The following UBE2Q1 variants were observed in gnomAD, a reference collection of about 807,000 sequenced individuals.
UBE2Q1 encodes the protein ubiquitin-conjugating enzyme E2 Q1.
UBE2Q1 carries 6 observed loss-of-function variants against 60.1 expected under a neutral mutation model. That is an observed-to-expected ratio of 0.10 (90% CI 0.05 to 0.20). The LOEUF is 0.20. Ranked by LOEUF, UBE2Q1 falls within the 10% of genes least tolerant of loss-of-function variation. The pLI is 1.00. For missense variants in UBE2Q1, 262 were observed against 525.8 expected (o/e 0.50, Z 4.91); for synonymous variants, 226 against 208.3 (o/e 1.09, Z -0.73).
At chr1:154,551,259 C>T in intron 11 of UBE2Q1, 138 bp downstream of exon 11, 1 of 968,306 alleles carries the variant, frequency 1.0e-6, no homozygotes, top group Non-Finnish European at 1.6e-6. Context: ...TTGTGGGCAC[C>T]CTAGGCCCTC....
chr1:154,556,366 C>T (rs1189014090), intron 1 of UBE2Q1, among the ~76,000 whole-genome samples: 2 of 152,142 alleles, frequency 1.3e-5, no homozygotes, highest in African/African-American at 2.4e-5. Context: ...ACTCCAGAAT[C>T]GGCTGAGGAA....
At chr1:154,553,523 C>G (rs41302545) in intron 4 of UBE2Q1, 1 of 191,950 alleles carries the variant, frequency 5.2e-6, no homozygotes, top group Non-Finnish European at 1.1e-5. Context: ...TAATTCCTAG[C>G]AGAAATGACT....
At chr1:154,550,592 T>TG in intron 12 of UBE2Q1, 123 bp from the exon 13 acceptor site, 1 of 1,540,244 alleles carries the variant, frequency 6.5e-7, no homozygotes, top group African/African-American at 1.4e-5. Flanking sequence ...CTATGCTGTG[T>TG]GGGGAGAGGT....
In UBE2Q1 at chr1:154,549,062, T is replaced by C. The variant is rs1040180680; in HGVS notation, c.*1376A>G. ...ACTTGGGTCTTCACTTGGCCATCTTTGGCCTCTGTCATTTCACTGTTAATG... is the reference window on the plus strand; with the variant it reads ...ACTTGGGTCTTCACTTGGCCATCTTCGGCCTCTGTCATTTCACTGTTAATG... On this transcript the variant is annotated 3_prime_UTR_variant, in exon 13 of 13. Transcript: ENST00000292211. 1 of 152,312 alleles carries C rather than the reference T, an allele frequency of 6.6e-6. No homozygotes were observed. The highest frequency in any genetic ancestry group is 1.5e-5 in the Non-Finnish European group (1 of 68,044). 9.4% of individuals were successfully genotyped at this position (152,312 alleles called of 1,614,324 possible). A position where few individuals can be genotyped will look rare whatever the true frequency, so the allele number is the denominator to read the frequency against.
rs560359173 is a variant in UBE2Q1 at position 154,554,785 on chromosome 1, A to G, written c.538T>C (p.Cys180Arg). The change falls in exon 4 of 13, where the codon TGC becomes CGC. Residue 180 changes from cysteine to arginine, a missense_variant and splice_region_variant. Transcript: ENST00000292211. ...TCTGAAGACACGTCTTCCTGTGTGCACTGCAGCAAGGAAGGGAAAGATGGA... is the reference window on the plus strand; with the variant it reads ...TCTGAAGACACGTCTTCCTGTGTGCGCTGCAGCAAGGAAGGGAAAGATGGA... Reference protein sequence around the residue: ...MLDQPLPAEQCTQEDVSSEDE... With the variant: ...MLDQPLPAEQRTQEDVSSEDE... 2 of 1,613,228 alleles carry G rather than the reference A, an allele frequency of 1.2e-6. No homozygotes were observed. Among genetic ancestry groups the G allele is most frequent in the East Asian group, 2.2e-5 (1 of 44,844 alleles).
rs1695876662 is a variant in UBE2Q1, at chr1:154,555,933, G to A, written c.359C>T (p.Ser120Leu). The change falls in exon 2 of 13, where the codon TCG becomes TTG. Residue 120 changes from serine (S) to leucine (L), a missense_variant. Physicochemically the swap from Ser to Leu is moderately radical, Grantham distance 145 (BLOSUM62 -2). Coordinates refer to ENST00000292211, the MANE Select transcript of UBE2Q1 (RefSeq NM_017582.7). ...ESYPAVPPIW[S>L]VESDDPNLAA... ...CAAGTTAGGGTCATCAGACTCCACCGACCAGATGGGGGGCACAGCAGGGTA... is the reference window on the plus strand; with the variant it reads ...CAAGTTAGGGTCATCAGACTCCACCAACCAGATGGGGGGCACAGCAGGGTA... 6.2e-7 allele frequency: 1 copy of A among 1,613,984 alleles called. No individual in the cohort carries two copies. Among genetic ancestry groups the A allele is most frequent in the Non-Finnish European group, 8.5e-7 (1 of 1,180,010 alleles).
Position 154,555,449 on chromosome 1 carries a change from A to T in UBE2Q1, c.516T>A (p.Asp172Glu), listed in dbSNP as rs1231969743. The change falls in exon 3 of 13, where the codon GAT (aspartate) becomes GAA (glutamate). Residue 172 changes from aspartate to glutamate, a missense_variant. Around this residue, in one of 5 missense-constraint regions of UBE2Q1, gnomAD observed 111 missense variants for 266.8 expected, o/e 0.42. Transcript: ENST00000292211. ...LPQHPDVEML[D>E]QPLPAEQCTQ... ...TCACCTGCTCTGCTGGCAAGGGTTG[A>T]TCCAGCATCTCCACATCTGGATGCT... 1 of 1,614,072 alleles carries T rather than the reference A, an allele frequency of 6.2e-7. No homozygotes were observed. The highest frequency in any genetic ancestry group is 8.5e-7 in the Non-Finnish European group (1 of 1,180,016).
intron 4 of UBE2Q1, 122 bp from the exon 5 acceptor site, chr1:154,553,294 T>C (rs1218899824): frequency 7.7e-7 from 1 of 1,305,226 alleles, no homozygotes; most frequent in African/African-American, 1.5e-5. Context: ...AAGCAGTCCA[T>C]CTAGCAGTCT....
intron 1 of UBE2Q1, among the ~76,000 whole-genome samples, chr1:154,557,930 TGGA>T (rs1695920807): frequency 6.6e-6 from 1 of 151,862 alleles, no homozygotes; most frequent in African/African-American, 2.4e-5. Flanking sequence ...GGTAAAGTTG[TGGA>T]GGAGTAGCCA....
Position 154,558,090 on chromosome 1 carries a change from T to C in UBE2Q1, c.327+137A>G, listed in dbSNP as rs1244881767. On this transcript the variant is annotated intron_variant, in intron 1 of 12. Transcript: ENST00000292211. ...CATAACCTCAAGCAGCAGAAACAAATGTAACCTGGAGAGAAAGAACTGAGC... is the reference window on the plus strand; with the variant it reads ...CATAACCTCAAGCAGCAGAAACAAACGTAACCTGGAGAGAAAGAACTGAGC... 1.1e-5 allele frequency: 7 copies of C among 661,654 alleles called. No homozygotes were observed. In the East Asian group the frequency reaches 1.3e-4, roughly 12 times the overall value. The allele number at this position is 661,654 out of a possible 1,614,324, so 41.0% of individuals were successfully genotyped here.
At chr1:154,554,051 G>A (rs920754281) in intron 4 of UBE2Q1, among the ~76,000 whole-genome samples, 3 of 152,242 alleles carry the variant, frequency 2.0e-5, no homozygotes. Flanking sequence ...AATGTCTACT[G>A]AGTGTTTATT....
Position 154,549,810 on chromosome 1 carries a change from G to T in UBE2Q1, c.*628C>A, listed in dbSNP as rs1695761774. 6.6e-6 allele frequency: 1 copy of T among 152,542 alleles called. No individual in the cohort carries two copies. Among genetic ancestry groups the T allele is most frequent in the African/African-American group, 2.4e-5 (1 of 41,426 alleles). The allele number at this position is 152,542 out of a possible 1,614,324, so 9.4% of individuals were successfully genotyped here. A position where few individuals can be genotyped will look rare whatever the true frequency, so the allele number is the denominator to read the frequency against. On this transcript the variant is annotated 3_prime_UTR_variant, in exon 13 of 13. Coordinates refer to ENST00000292211, the MANE Select transcript of UBE2Q1 (RefSeq NM_017582.7). Reference sequence around the variant, plus strand: ...CCAGAGGCCTTGAGGAGAAATCTAGGGGCAGACCAGGTGTGTGCTTCAGCT... The same window carrying T: ...CCAGAGGCCTTGAGGAGAAATCTAGTGGCAGACCAGGTGTGTGCTTCAGCT...
chr1:154,551,353 T>C (rs1695788285), intron 11 of UBE2Q1, 44 bp downstream of exon 11: 3 of 1,600,006 alleles, frequency 1.9e-6, no homozygotes, highest in African/African-American at 1.3e-5. Flanking sequence ...CCAAGTGTAC[T>C]TGGCTCCACC....
intron 4 of UBE2Q1, among the ~76,000 whole-genome samples, chr1:154,554,240 C>T (rs967843351): frequency 1.3e-5 from 2 of 152,188 alleles, no homozygotes; most frequent in Non-Finnish European, 2.9e-5. Context: ...TTCTGTCTAG[C>T]TCTAAAGCTC....
intron 2 of UBE2Q1, 93 bp from the exon 3 acceptor site, chr1:154,555,625 T>C: frequency 1.6e-6 from 2 of 1,229,728 alleles, no homozygotes; most frequent in Non-Finnish European, 2.4e-6. Context: ...CCCACACCAA[T>C]AACTAGTTCT....
At chr1:154,555,387 C>A (rs757247106) in intron 3 of UBE2Q1, 41 bp downstream of exon 3, 3 of 1,552,370 alleles carry the variant, frequency 1.9e-6, no homozygotes, top group Non-Finnish European at 2.7e-6. Flanking sequence ...CCCTGTGGGG[C>A]AACTCTGCAC....
At chr1:154,556,040 C>A in intron 1 of UBE2Q1, 76 bp from the exon 2 acceptor site, 1 of 1,317,076 alleles carries the variant, frequency 7.6e-7, no homozygotes. Flanking sequence ...GTCCTCTTCC[C>A]CCCAAGACTT....
At position 154,558,572 on chromosome 1, in the gene UBE2Q1, C is replaced by G; in HGVS notation, c.-19G>C. The G allele has an allele frequency of 1.9e-6, 2 of 1,027,138 alleles. No homozygotes were observed. The highest frequency in any genetic ancestry group is 2.3e-6 in the Non-Finnish European group (2 of 861,708). The allele number at this position is 1,027,138 out of a possible 1,614,324, so 63.6% of individuals were successfully genotyped here. ...GCTGCATCCTCCGCTCCGCTCCGCT[C>G]CGGGGCCGGCGGGCCGGGAGCCTCC... On this transcript the variant is annotated 5_prime_UTR_variant, in exon 1 of 13. Transcript: ENST00000292211.
At chr1:154,556,552 G>C (rs1356049445) in intron 1 of UBE2Q1, among the ~76,000 whole-genome samples, 1 of 152,182 alleles carries the variant, frequency 6.6e-6, no homozygotes, top group African/African-American at 2.4e-5. Context: ...TCTCCCTTGG[G>C]AACCTGCCAC....
Sources: allele counts gnomAD v4.1 joint callset (sites outside exome capture counted in the v4.1 genomes callset), GRCh38; gene constraint gnomAD v4.1.1; regional missense constraint gnomAD v4.1.1; transcripts MANE v1.5; gene names NCBI Gene and HGNC (gene_info 2026-07-23, HGNC 2026-07-21).